FRMPD4: variants seen among roughly 807,000 people sequenced by gnomAD.
FRMPD4 encodes FERM and PDZ domain containing 4.
FRMPD4 carries 22 observed loss-of-function variants against 94.1 expected under a neutral mutation model. The ratio of observed to expected loss-of-function variants is 0.23; its 90% confidence interval spans 0.17 to 0.33. The LOEUF (loss-of-function observed/expected upper bound fraction) is 0.33. FRMPD4 is among the 10% of genes least tolerant of loss of function. The probability of loss-of-function intolerance (pLI) is 1.00; values close to 1 mark genes in which losing one functional copy is unlikely to be tolerated. For missense variants in FRMPD4, 1,111 were observed against 1,339.9 expected (o/e 0.83, Z 2.67); for synonymous variants, 631 against 548.6 (o/e 1.15, Z -2.10).
intron 3 of FRMPD4, among the ~76,000 whole-genome samples, chrX:11,980,041 G>A (rs372587017): frequency 8.1e-5 from 9 of 111,775 alleles, no homozygotes; most frequent in African/African-American, 1.9e-4. Flanking sequence ...GTGTGTGTAT[G>A]CACATGTGTA....
At chrX:12,463,373 T>G (rs1039546040) in intron 1 of FRMPD4, among the ~76,000 whole-genome samples, 15 of 111,633 alleles carry the variant, frequency 1.3e-4, no homozygotes, top group African/African-American at 4.9e-4. Context: ...CAATGCCAAT[T>G]TGCTAGCCAG....
intron 1 of FRMPD4, among the ~76,000 whole-genome samples, chrX:12,420,020 C>G (rs911244613): frequency 1.8e-5 from 2 of 111,524 alleles, no homozygotes; most frequent in African/African-American, 6.5e-5. Flanking sequence ...ATCTTCATAC[C>G]TAAATACTGA....
intron 1 of FRMPD4, among the ~76,000 whole-genome samples, chrX:12,190,672 A>G (rs2056480012): frequency 9.6e-6 from 1 of 103,812 alleles, no homozygotes; most frequent in South Asian, 4.6e-4. Context: ...TGTTGATTGA[A>G]CAACTAACGG....
intron 1 of FRMPD4, among the ~76,000 whole-genome samples, chrX:12,388,103 A>T (rs1008550151): frequency 1.8e-5 from 2 of 111,539 alleles, no homozygotes; most frequent in African/African-American, 6.5e-5. Flanking sequence ...AGAACTGGGT[A>T]TTCACTGGGA....
At chrX:12,130,145 C>A (rs955132474) in intron 3 of FRMPD4, among the ~76,000 whole-genome samples, 1 of 101,503 alleles carries the variant, frequency 9.9e-6, no homozygotes, top group Admixed American at 1.2e-4. Context: ...AAGGTGGAGG[C>A]GTAAGGGGGT....
chrX:12,716,001 T>TGGGGCC, intron 14 of FRMPD4, 68 bp from the exon 15 acceptor site: 11 of 231,597 alleles, frequency 4.7e-5, no homozygotes, highest in East Asian at 8.5e-5. Context: ...GAGACGAGCC[T>TGGGGCC]CCCACCCCCG....
chrX:12,581,812 A>G (rs771731742), intron 2 of FRMPD4, among the ~76,000 whole-genome samples: 1 of 111,920 alleles, frequency 8.9e-6, no homozygotes, highest in African/African-American at 3.2e-5. Flanking sequence ...TCTCTCAGGT[A>G]TCCATGATTC....
chrX:11,981,673 A>G (rs1232092166), intron 3 of FRMPD4, among the ~76,000 whole-genome samples: 1 of 111,559 alleles, frequency 9.0e-6, no homozygotes, highest in East Asian at 2.8e-4. Context: ...ATTTTTATTA[A>G]TGATATACTT....
At chrX:11,993,427 C>A (rs1171529559) in intron 3 of FRMPD4, among the ~76,000 whole-genome samples, 1 of 111,857 alleles carries the variant, frequency 8.9e-6, no homozygotes, top group Non-Finnish European at 1.9e-5. Context: ...CCTCTACTCA[C>A]TAGATGTCTG....
In FRMPD4 at chrX:12,012,375, T is replaced by C. The variant is rs189057548; in HGVS notation, c.95+134357T>C. ...AGCTGTGGGTTATTTGTAGACATCC[T>C]TTACCAGGTTGAGGAAGTTCCCTTT... On this transcript the variant is annotated intron_variant, in intron 3 of 18. Transcript: ENST00000640291. Among the ~76,000 whole-genome samples, 471 of 112,164 alleles carry C rather than the reference T, an allele frequency of 4.2e-3. 2 individuals carry two copies. Among genetic ancestry groups the C allele is most frequent in the Non-Finnish European group, 5.5e-3 (291 of 53,215 alleles).
intron 3 of FRMPD4, among the ~76,000 whole-genome samples, chrX:12,094,221 A>T (rs1431230904): frequency 7.1e-5 from 8 of 111,945 alleles, no homozygotes; most frequent in Non-Finnish European, 9.4e-5. Context: ...CTGCCCTGTT[A>T]TACTTGTTCT....
chrX:12,710,561 A>G, intron 14 of FRMPD4, 24 bp downstream of exon 14: 2 of 1,163,573 alleles, frequency 1.7e-6, no homozygotes, highest in Non-Finnish European at 2.3e-6. Context: ...GAACTCATCA[A>G]GCACTGACCT....
chrX:12,165,225 T>C (rs2056094680), intron 1 of FRMPD4, among the ~76,000 whole-genome samples: 1 of 112,493 alleles, frequency 8.9e-6, no homozygotes, highest in South Asian at 3.7e-4. Flanking sequence ...TTAATTTTTG[T>C]ATAAGGTGTA....
At chrX:12,157,623 G>A (rs1230824438) in intron 1 of FRMPD4, among the ~76,000 whole-genome samples, 1 of 112,221 alleles carries the variant, frequency 8.9e-6, no homozygotes, top group African/African-American at 3.2e-5. Context: ...GGTGAAAGGA[G>A]CGTTTGGGGT....
intron 1 of FRMPD4, among the ~76,000 whole-genome samples, chrX:12,410,688 T>C (rs763977763): frequency 7.2e-5 from 8 of 111,694 alleles, no homozygotes; most frequent in African/African-American, 2.6e-4. Flanking sequence ...CCCCCAACTC[T>C]TCCTAAGGCT....
At chrX:11,824,531 G>C (rs766374914) in intron 1 of FRMPD4, among the ~76,000 whole-genome samples, 1 of 111,456 alleles carries the variant, frequency 9.0e-6, no homozygotes, top group African/African-American at 3.3e-5. Flanking sequence ...ACTCCCCTCA[G>C]TTGTGACAAC....
intron 3 of FRMPD4, among the ~76,000 whole-genome samples, chrX:11,895,704 G>A (rs2053899791): frequency 9.0e-6 from 1 of 111,484 alleles, no homozygotes; most frequent in South Asian, 3.8e-4. Flanking sequence ...TGTTAAGACT[G>A]GGGATGTCTT....
intron 3 of FRMPD4, among the ~76,000 whole-genome samples, chrX:12,094,273 G>A (rs1315378995): frequency 8.9e-6 from 1 of 112,042 alleles, no homozygotes; most frequent in Non-Finnish European, 1.9e-5. Flanking sequence ...GCAGTTTATT[G>A]ACATTAATTA....
chrX:12,560,476 TGAAAAAA>T (rs1387942343), intron 2 of FRMPD4, among the ~76,000 whole-genome samples: 4 of 20,813 alleles, frequency 1.9e-4, no homozygotes, highest in African/African-American at 2.9e-4. Flanking sequence ...TCTTTAAAAA[TGAAAAAA>T]AAAAAAAAAA....
Sources: gnomAD v4.1 joint callset for allele counts (sites outside exome capture counted in the v4.1 genomes callset) on GRCh38, gnomAD v4.1.1 for gene constraint, MANE v1.5 for transcripts, NCBI Gene and HGNC (gene_info 2026-07-23, HGNC 2026-07-21) for gene names.